MACROD2: variants seen among roughly 807,000 people sequenced by gnomAD.
The protein encoded by MACROD2 is mono-ADP ribosylhydrolase 2, also known as ADP-ribose glycohydrolase MACROD2.
MACROD2 carries 36 observed loss-of-function variants against 70.4 expected under a neutral mutation model. The ratio of observed to expected loss-of-function variants is 0.51; its 90% CI spans 0.39 to 0.68. MACROD2 has a LOEUF of 0.68. Among genes scored for constraint, MACROD2 ranks in the 30% least tolerant of loss-of-function variants. The pLI is 0.00. For synonymous variants in MACROD2, 172 were observed against 178.8 expected (o/e 0.96, Z 0.30); for missense variants, 496 against 538.4 (o/e 0.92, Z 0.78).
chr20:15,327,749 T>C (rs1285328492), intron 6 of MACROD2, among the ~76,000 whole-genome samples: 1 of 152,040 alleles, frequency 6.6e-6, no homozygotes, highest in Non-Finnish European at 1.5e-5. Flanking sequence ...TACACCAGCA[T>C]GCCATATTTT....
intron 8 of MACROD2, among the ~76,000 whole-genome samples, chr20:15,655,532 C>T (rs2049717121): frequency 6.6e-6 from 1 of 151,820 alleles, no homozygotes; most frequent in African/African-American, 2.4e-5. Context: ...GCTCCCTTGA[C>T]GTAAAGATTT....
intron 5 of MACROD2, among the ~76,000 whole-genome samples, chr20:14,792,605 A>G (rs1055861408): frequency 5.9e-5 from 9 of 152,120 alleles, no homozygotes; most frequent in Non-Finnish European, 8.8e-5. Context: ...TCACAGCTCT[A>G]TAGAGTCATT....
At chr20:14,597,709 A>C (rs894554087) in intron 4 of MACROD2, among the ~76,000 whole-genome samples, 1 of 152,138 alleles carries the variant, frequency 6.6e-6, no homozygotes, top group Admixed American at 6.6e-5. Context: ...CATGTGTGGC[A>C]AAATCTAATT....
At chr20:15,239,653 C>G (rs1193133616) in intron 6 of MACROD2, among the ~76,000 whole-genome samples, 1 of 152,060 alleles carries the variant, frequency 6.6e-6, no homozygotes, top group Non-Finnish European at 1.5e-5. Context: ...TTCCCTGCTC[C>G]CAGTATACTA....
intron 6 of MACROD2, among the ~76,000 whole-genome samples, chr20:15,334,483 C>T (rs2078026941): frequency 6.6e-6 from 1 of 151,490 alleles, no homozygotes. Flanking sequence ...TTAGGAAAGT[C>T]ATTTATCTTC....
intron 2 of MACROD2, among the ~76,000 whole-genome samples, chr20:14,077,860 G>T: frequency 6.7e-6 from 1 of 149,950 alleles, no homozygotes; most frequent in African/African-American, 2.4e-5. Flanking sequence ...TGGAATATTG[G>T]TCTGTTCTTA....
intron 8 of MACROD2, among the ~76,000 whole-genome samples, chr20:15,699,935 GCTT>G (rs923380826): frequency 1.1e-4 from 17 of 152,256 alleles, no homozygotes; most frequent in African/African-American, 4.1e-4. Flanking sequence ...CCTTTCTGCT[GCTT>G]CTTCTACCCT....
intron 5 of MACROD2, among the ~76,000 whole-genome samples, chr20:15,192,293 A>G (rs1433114349): frequency 6.6e-6 from 1 of 152,162 alleles, no homozygotes; most frequent in Non-Finnish European, 1.5e-5. Flanking sequence ...GCAAGCCATA[A>G]CATCAAGATA....
chr20:15,172,357 G>A lies in MACROD2; in HGVS notation c.419-57583G>A, dbSNP rs560430497. Among the ~76,000 whole-genome samples the A allele has an allele frequency of 2.3e-3, 345 of 152,296 alleles. 1 individual carries two copies. The highest frequency in any genetic ancestry group is 3.5e-3 in the Non-Finnish European group (237 of 68,010). Reference sequence around the variant, plus strand: ...GAAGGAATATTGAGATCTACCAAGAGAAATTCCACTTGCCTTTATAAAATT... The same window carrying A: ...GAAGGAATATTGAGATCTACCAAGAAAAATTCCACTTGCCTTTATAAAATT... On this transcript the variant is annotated intron_variant, in intron 5 of 17. Coordinates refer to ENST00000684519, the MANE Select transcript of MACROD2 (RefSeq NM_001351661.2).
intron 3 of MACROD2, among the ~76,000 whole-genome samples, chr20:14,340,857 CTTTG>C (rs2083006008): frequency 6.6e-6 from 1 of 152,196 alleles, no homozygotes; most frequent in East Asian, 1.9e-4. Context: ...TTGTGGTGTT[CTTTG>C]TTTGTTTTTA....
rs535268528 is a variant in MACROD2 at position 15,648,629 on chromosome 20, G to A, written c.645+148782G>A. Among the ~76,000 whole-genome samples the A allele has an allele frequency of 7.9e-5, 12 of 152,168 alleles. No individual in the cohort carries two copies. In the South Asian group the frequency reaches 2.1e-3, roughly 26 times the overall value. On this transcript the variant is annotated intron_variant, in intron 8 of 17. Coordinates refer to ENST00000684519, the MANE Select transcript of MACROD2 (RefSeq NM_001351661.2). Reference sequence around the variant, plus strand: ...ATTTGTGTTCATTGCTCTTTCTCACGCGACAGTGTTTGACACATAAAATGT... The same window carrying A: ...ATTTGTGTTCATTGCTCTTTCTCACACGACAGTGTTTGACACATAAAATGT...
intron 8 of MACROD2, among the ~76,000 whole-genome samples, chr20:15,586,315 T>C (rs746282305): frequency 1.8e-4 from 27 of 152,198 alleles, no homozygotes; most frequent in Non-Finnish European, 4.4e-5. Context: ...CAAGTGATGC[T>C]AATACTGCTG....
At chr20:14,468,002 C>T (rs2084477825) in intron 3 of MACROD2, among the ~76,000 whole-genome samples, 1 of 152,018 alleles carries the variant, frequency 6.6e-6, no homozygotes, top group Non-Finnish European at 1.5e-5. Flanking sequence ...TGTTCTTTTG[C>T]ATTTACTGAT....
intron 10 of MACROD2, among the ~76,000 whole-genome samples, chr20:15,895,131 G>A (rs998971296): frequency 4.6e-5 from 7 of 152,124 alleles, no homozygotes; most frequent in Admixed American, 4.6e-4. Context: ...CAGTTCTTCC[G>A]CCTTTAATTA....
At chr20:15,095,297 A>G (rs1003888566) in intron 5 of MACROD2, among the ~76,000 whole-genome samples, 1 of 151,412 alleles carries the variant, frequency 6.6e-6, no homozygotes, top group Non-Finnish European at 1.5e-5. Flanking sequence ...GGATGGTCTC[A>G]ACCTCCAGAC....
chr20:14,924,788 G>C (rs1247531433), intron 5 of MACROD2, among the ~76,000 whole-genome samples: 1 of 152,110 alleles, frequency 6.6e-6, no homozygotes, highest in Non-Finnish European at 1.5e-5. Context: ...ACAGATGAAA[G>C]TGAAAATGCT....
intron 3 of MACROD2, among the ~76,000 whole-genome samples, chr20:14,104,502 A>G (rs760018920): frequency 3.3e-5 from 5 of 152,220 alleles, no homozygotes; most frequent in Admixed American, 6.5e-5. Flanking sequence ...TGTTTATTCA[A>G]CTTTCAGCAT....
chr20:15,349,202 A>G (rs1206321036), intron 6 of MACROD2, among the ~76,000 whole-genome samples: 1 of 152,214 alleles, frequency 6.6e-6, no homozygotes, highest in Non-Finnish European at 1.5e-5. Context: ...CAACTCTTTC[A>G]AATCAAGTGT....
intron 8 of MACROD2, among the ~76,000 whole-genome samples, chr20:15,812,021 C>T (rs1309455396): frequency 1.3e-5 from 2 of 152,206 alleles, no homozygotes; most frequent in African/African-American, 4.8e-5. Flanking sequence ...TAAGAGGCAA[C>T]TGCATGAGAA....
Sources: allele counts gnomAD v4.1 joint callset (sites outside exome capture counted in the v4.1 genomes callset), GRCh38; gene constraint gnomAD v4.1.1; transcripts MANE v1.5; gene names NCBI Gene and HGNC (gene_info 2026-07-23, HGNC 2026-07-21).